DLG2: variants seen among roughly 807,000 people sequenced by gnomAD.
The protein encoded by DLG2 is discs large MAGUK scaffold protein 2, also known as disks large homolog 2.
Under a neutral mutation model 132.5 loss-of-function variants are expected in DLG2, and 45 were observed. The ratio of observed to expected loss-of-function variants is 0.34; its 90% CI spans 0.27 to 0.44. The LOEUF (loss-of-function observed/expected upper bound fraction) is 0.44. DLG2 is among the 20% of genes least tolerant of loss of function. The pLI, the probability that DLG2 is intolerant of heterozygous loss-of-function variation, is 1.00. For synonymous variants in DLG2, 424 were observed against 419.6 expected, an observed-to-expected ratio of 1.01 and a Z score of -0.13; for missense variants, 1,045 against 1,196.9, an observed-to-expected ratio of 0.87 and a Z score of 1.87.
intron 4 of DLG2, among the ~76,000 whole-genome samples, chr11:85,284,748 T>TA (rs138716360): frequency 0.043 from 6,574 of 151,990 alleles, 185 homozygotes; most frequent in East Asian, 0.095. Flanking sequence ...GTTACCCAAA[T>TA]ATAGAAAATT....
chr11:84,430,810 A>G (rs473975), intron 7 of DLG2, among the ~76,000 whole-genome samples: 29,692 of 152,106 alleles, frequency 0.2, 3,249 homozygotes, highest in African/African-American at 0.29. Context: ...GTGACAGAGG[A>G]GAACTGCAGC....
At position 85,292,362 on chromosome 11, in the gene DLG2, A is replaced by T. The variant is rs74685070; in HGVS notation, c.41-6997T>A. Among the ~76,000 whole-genome samples, 62 of 152,098 alleles carry T rather than the reference A, an allele frequency of 4.1e-4. No individual in the cohort carries two copies. In the East Asian group the frequency reaches 0.011, roughly 26 times the overall value. The stretch of plus-strand genomic sequence containing the variant: ...GAATAAAGTTGAATGTGAGGAAGGG[A>T]CTGAAGTTGAATGTAGATGAAATGA... On this transcript the variant is annotated intron_variant, in intron 3 of 27. Coordinates refer to ENST00000376104, the MANE Select transcript of DLG2 (RefSeq NM_001142699.3).
At chr11:83,875,616 T>C (rs1167493890) in intron 15 of DLG2, among the ~76,000 whole-genome samples, 1 of 152,210 alleles carries the variant, frequency 6.6e-6, no homozygotes, top group Non-Finnish European at 1.5e-5. Context: ...AACAGCCAAC[T>C]TTACTGAATG....
intron 6 of DLG2, among the ~76,000 whole-genome samples, chr11:84,972,636 G>A (rs1047728262): frequency 6.6e-6 from 1 of 152,158 alleles, no homozygotes; most frequent in Non-Finnish European, 1.5e-5. Flanking sequence ...CTAACAGAAG[G>A]TGCTACCTGC....
intron 18 of DLG2, among the ~76,000 whole-genome samples, chr11:83,778,275 G>C (rs753069694): frequency 3.9e-4 from 60 of 152,126 alleles, no homozygotes; most frequent in Non-Finnish European, 7.6e-4. Flanking sequence ...GTAGAGTCAA[G>C]AGTAGTATTA....
At chr11:85,517,868 G>A in intron 3 of DLG2, among the ~76,000 whole-genome samples, 1 of 152,084 alleles carries the variant, frequency 6.6e-6, no homozygotes, top group Non-Finnish European at 1.5e-5. Context: ...GGTCTTTCCT[G>A]TGCTGTTCTC....
chr11:83,640,600 C>T (rs994494778), intron 18 of DLG2, among the ~76,000 whole-genome samples: 4 of 152,172 alleles, frequency 2.6e-5, no homozygotes, highest in Non-Finnish European at 4.4e-5. Context: ...ATCCTAATTG[C>T]TGGGGATACC....
At chr11:83,688,159 A>G (rs1004791828) in intron 18 of DLG2, among the ~76,000 whole-genome samples, 1 of 152,202 alleles carries the variant, frequency 6.6e-6, no homozygotes, top group African/African-American at 2.4e-5. Context: ...TTACCACGAA[A>G]TTATTCTGAT....
At chr11:85,472,719 G>A (rs1184162891) in intron 3 of DLG2, among the ~76,000 whole-genome samples, 1 of 152,216 alleles carries the variant, frequency 6.6e-6, no homozygotes, top group African/African-American at 2.4e-5. Context: ...GGTGCCAAAG[G>A]AGCCGCTGTA....
chr11:83,495,971 G>T (rs1158519374), intron 21 of DLG2, among the ~76,000 whole-genome samples: 2 of 152,048 alleles, frequency 1.3e-5, no homozygotes, highest in African/African-American at 4.8e-5. Flanking sequence ...TAAAAAAGTT[G>T]TTAAACTGGA....
intron 6 of DLG2, chr11:84,720,482 G>T (rs2061685437): frequency 2.0e-6 from 2 of 985,254 alleles, no homozygotes; most frequent in Non-Finnish European, 2.4e-6. Context: ...CCTAGACCGA[G>T]CTGCCGCTTC....
Position 85,069,400 on chromosome 11 carries a change from G to T in DLG2, c.357+42261C>A, listed in dbSNP as rs538451517. Among the ~76,000 whole-genome samples, 52 of 151,978 alleles carry T rather than the reference G, an allele frequency of 3.4e-4. 2 individuals are homozygous for T. Among genetic ancestry groups the T allele is most frequent in the African/African-American group, 8.4e-4 (35 of 41,480 alleles). ...ATGGGAGAAAATTTTTGCAAGCTAC[G>T]CATCTGACAAAGGGCTAATATCCAG... is the stretch of plus-strand genomic sequence containing the variant. On this transcript the variant is annotated intron_variant, in intron 6 of 27. Transcript: ENST00000376104.
At chr11:84,373,128 T>A (rs2098712717) in intron 7 of DLG2, among the ~76,000 whole-genome samples, 1 of 151,402 alleles carries the variant, frequency 6.6e-6, no homozygotes, top group African/African-American at 2.4e-5. Context: ...ATGTGAACTT[T>A]TTTCAGTTTG....
intron 8 of DLG2, among the ~76,000 whole-genome samples, chr11:84,250,338 G>C (rs1441860577): frequency 6.6e-6 from 1 of 152,068 alleles, no homozygotes; most frequent in East Asian, 1.9e-4. Flanking sequence ...GAGGCTGTGG[G>C]CTAAAACTGA....
intron 18 of DLG2, among the ~76,000 whole-genome samples, chr11:83,704,805 C>T (rs188755463): frequency 3.6e-4 from 54 of 152,060 alleles, no homozygotes; most frequent in African/African-American, 1.1e-3. Flanking sequence ...CCAGCCTGGG[C>T]GACAGAGCGA....
At chr11:85,182,190 A>G (rs2079757364) in intron 4 of DLG2, among the ~76,000 whole-genome samples, 1 of 151,872 alleles carries the variant, frequency 6.6e-6, no homozygotes, top group Non-Finnish European at 1.5e-5. Flanking sequence ...TTCTTCACAA[A>G]TATCTTACGA....
At chr11:83,472,926 C>T in intron 22 of DLG2, 149 bp from the exon 23 acceptor site, 2 of 663,844 alleles carry the variant, frequency 3.0e-6, no homozygotes, top group South Asian at 1.8e-5. Context: ...ACTTCATCCT[C>T]ATAAAACTCT....
At chr11:85,618,975 T>C (rs1017543642) in intron 2 of DLG2, among the ~76,000 whole-genome samples, 2 of 152,242 alleles carry the variant, frequency 1.3e-5, no homozygotes, top group Non-Finnish European at 2.9e-5. Context: ...CCAATAGATA[T>C]GTAAAATAAA....
At chr11:83,894,527 A>G (rs2070975470) in intron 15 of DLG2, among the ~76,000 whole-genome samples, 1 of 152,232 alleles carries the variant, frequency 6.6e-6, no homozygotes, top group Admixed American at 6.5e-5. Context: ...AAATTGATAC[A>G]TAATGGTTGT....
Sources: allele counts gnomAD v4.1 joint callset (sites outside exome capture counted in the v4.1 genomes callset), GRCh38; gene constraint gnomAD v4.1.1; transcripts MANE v1.5; gene names NCBI Gene and HGNC (gene_info 2026-07-23, HGNC 2026-07-21).